NBPF9: variants seen among roughly 807,000 people sequenced by gnomAD.
NBPF9 encodes the protein NBPF family member NBPF9.
Under a neutral mutation model 97.8 loss-of-function variants are expected in NBPF9, and 91 were observed. That is an observed-to-expected ratio of 0.93 (90% confidence interval 0.79 to 1.11). The LOEUF (loss-of-function observed/expected upper bound fraction) is 1.11. Ranked by LOEUF, NBPF9 falls within the 50% of genes least tolerant of loss-of-function variation. The pLI is 0.00. For synonymous variants in NBPF9, 334 were observed against 359.5 expected, an observed-to-expected ratio of 0.93 and a Z score of 0.80; for missense variants, 992 against 939.5, an observed-to-expected ratio of 1.06 and a Z score of -0.73.
At position 149,098,707 on chromosome 1, in the gene NBPF9, CTA is replaced by C; in HGVS notation, c.-605-3_-605-2del. On this transcript the variant is annotated splice_acceptor_variant and splice_polypyrimidine_tract_variant and intron_variant, in intron 3 of 29. Coordinates refer to ENST00000584027, the Ensembl canonical transcript of NBPF9. LOFTEE classifies it low-confidence loss of function (5UTR_SPLICE). ...TAAACAGGATTTGCTTTCAGATTGC[CTA>C]TGAGATAAAAGAGAGAAATCATGGT... 2.2e-6 allele frequency: 1 copy of C among 449,692 alleles called. No homozygotes were observed. The highest frequency in any genetic ancestry group is 3.0e-6 in the Non-Finnish European group (1 of 337,216). 27.9% of individuals were successfully genotyped at this position (449,692 alleles called of 1,614,324 possible).
exon 14 of NBPF9, chr1:149,072,793 G>C (rs1575838974): frequency 1.3e-6 from 2 of 1,580,334 alleles, no homozygotes; most frequent in Non-Finnish European, 1.7e-6. Context: ...TCCTGCCCCT[G>C]GGACTTGTCC....
At chr1:149,075,217 T>C (rs370699070) in intron 12 of NBPF9, among the ~76,000 whole-genome samples, 5 of 151,732 alleles carry the variant, frequency 3.3e-5, no homozygotes, top group East Asian at 1.9e-4. Context: ...TCACCAAGTT[T>C]CCCTCAGAGT....
intron 20 of NBPF9, among the ~76,000 whole-genome samples, chr1:149,063,130 C>T (rs1354442272): frequency 6.2e-5 from 9 of 145,156 alleles, no homozygotes; most frequent in Admixed American, 5.5e-4. Flanking sequence ...TCTGGTAGAC[C>T]GTTATCCCAA....
intron 16 of NBPF9, 37 bp downstream of exon 16, chr1:149,070,897 A>G (rs2079351737): frequency 1.3e-6 from 2 of 1,589,198 alleles, no homozygotes; most frequent in Non-Finnish European, 1.7e-6. Context: ...TCCTCAGCCT[A>G]GAGAGAGGTA....
chr1:149,063,013 G>A lies in NBPF9; in HGVS notation c.2027-100C>T, dbSNP rs1575826088. 5.0e-6 allele frequency: 3 copies of A among 595,250 alleles called. No individual in the cohort carries two copies. The East Asian group carries it at 8.7e-5, about 17-fold the overall frequency. The allele number at this position is 595,250 out of a possible 1,614,324, so 36.9% of individuals were successfully genotyped here. The stretch of plus-strand genomic sequence containing the variant: ...TCACACAGGGACTTCAGGCTCCTCA[G>A]CATGAGAATAGGACACTGTGAGAGA... On this transcript the variant is annotated intron_variant, in intron 20 of 29. Coordinates refer to ENST00000584027, the Ensembl canonical transcript of NBPF9.
At chr1:149,087,195 G>C (rs1440261214) in intron 5 of NBPF9, among the ~76,000 whole-genome samples, 1 of 151,668 alleles carries the variant, frequency 6.6e-6, no homozygotes, top group Non-Finnish European at 1.5e-5. Context: ...TAAGTCTTTT[G>C]AGAAATTGTT....
At chr1:149,071,859 C>T (rs1441852507) in intron 14 of NBPF9, among the ~76,000 whole-genome samples, 183 bp from the exon 15 acceptor site, 8,850 of 151,088 alleles carry the variant, frequency 0.059, 741 homozygotes, top group East Asian at 0.47. Context: ...CAATGCATTT[C>T]TGATCTGGAG....
At chr1:149,099,268 G>C (rs2081990580) in intron 3 of NBPF9, among the ~76,000 whole-genome samples, 1 of 152,212 alleles carries the variant, frequency 6.6e-6, no homozygotes, top group Non-Finnish European at 1.5e-5. Flanking sequence ...GCTTTCGCTA[G>C]GTTATGCTAC....
exon 30 of NBPF9, chr1:149,055,526 G>T (rs1422476585): frequency 9.7e-6 from 15 of 1,549,938 alleles, no homozygotes; most frequent in Non-Finnish European, 1.3e-5. Context: ...TTTGAGAATA[G>T]GAATAGAGCC....
rs2078495886 is a variant in NBPF9, at chr1:149,060,012, C to T, written c.2477-204G>A. Reference sequence around the variant, plus strand: ...CCCAGAAACTGTGGGTAAAATGTCCCTATTCTAGTAGATCGTTATCCCAAT... The same window carrying T: ...CCCAGAAACTGTGGGTAAAATGTCCTTATTCTAGTAGATCGTTATCCCAAT... On this transcript the variant is annotated intron_variant, in intron 24 of 29. Transcript: ENST00000584027. 2.1e-5 allele frequency: 8 copies of T among 378,382 alleles called. 1 individual carries two copies. The South Asian group carries it at 2.5e-4, about 12-fold the overall frequency. The allele number at this position is 378,382 out of a possible 1,614,324, so 23.4% of individuals were successfully genotyped here.
Position 149,079,194 on chromosome 1 carries a change from C to G in NBPF9, c.306G>C (p.Gln102His), listed in dbSNP as rs2152905455. Residue 102 changes from glutamine to histidine, a missense_variant, in exon 9 of 30, where the codon CAG becomes CAC. Gln to His is a conservative substitution (Grantham distance 24). Coordinates refer to ENST00000584027, the Ensembl canonical transcript of NBPF9. ...CCTTTAACTGCGTCAGCTCTCGTTCCTGAGAGTGAACCAGGACTTTATATT... is the reference window on the plus strand; with the variant it reads ...CCTTTAACTGCGTCAGCTCTCGTTCGTGAGAGTGAACCAGGACTTTATATT... 7 of 1,062,014 alleles carry G rather than the reference C, an allele frequency of 6.6e-6. No individual in the cohort carries two copies. The East Asian group carries it at 1.7e-4, about 26-fold the overall frequency. The allele number at this position is 1,062,014 out of a possible 1,614,324, so 65.8% of individuals were successfully genotyped here.
At chr1:149,057,704 GACACACACACACACACACACAC>G (rs879952249) in intron 27 of NBPF9, among the ~76,000 whole-genome samples, 197 bp from the exon 28 acceptor site, 1 of 27,850 alleles carries the variant, frequency 3.6e-5, no homozygotes, top group Non-Finnish European at 8.4e-5. Context: ...AAGACAGATA[GACACACACACACACACACACAC>G]ACACACACAC....
intron 5 of NBPF9, among the ~76,000 whole-genome samples, chr1:149,087,174 T>C (rs2081070385): frequency 6.6e-6 from 1 of 152,058 alleles, no homozygotes; most frequent in South Asian, 2.1e-4. Flanking sequence ...TGTCTTCTTT[T>C]CTGAAGTATC....
chr1:149,088,063 C>T (rs1383189904), intron 5 of NBPF9, among the ~76,000 whole-genome samples: 3 of 152,080 alleles, frequency 2.0e-5, no homozygotes, highest in Admixed American at 6.5e-5. Flanking sequence ...CATCTCCTGA[C>T]CTCATGATCT....
rs587659070 is a variant in NBPF9 at position 149,058,171 on chromosome 1, A to G, written c.2803T>C (p.Cys935Arg). Residue 935 changes from cysteine to arginine, a missense_variant, in exon 27 of 30, where the codon TGC becomes CGC. Around this residue, in one of 11 missense-constraint regions of NBPF9, gnomAD observed 397 missense variants for 213.6 expected, o/e 1.86. Coordinates refer to ENST00000584027, the Ensembl canonical transcript of NBPF9. Reference sequence around the variant, plus strand: ...TCACAATTGCTCAGTTACCTGGGGCATGGTGGGCCTTGGTCTTCTTCCTCT... The same window carrying G: ...TCACAATTGCTCAGTTACCTGGGGCGTGGTGGGCCTTGGTCTTCTTCCTCT... The G allele has an allele frequency of 2.6e-4, 146 of 569,094 alleles. 12 individuals are homozygous for G. In the African/African-American group the frequency reaches 4.2e-3, roughly 16 times the overall value. 35.3% of individuals were successfully genotyped at this position (569,094 alleles called of 1,614,324 possible).
Position 149,063,814 on chromosome 1 carries a change from G to T in NBPF9, c.1854-9C>A. ...GCAGCTCCCTGCTGAGCCTGGAAAAGTGGGAAAAAGTAAAGAATAAGCCAG... is the reference window on the plus strand; with the variant it reads ...GCAGCTCCCTGCTGAGCCTGGAAAATTGGGAAAAAGTAAAGAATAAGCCAG... On this transcript the variant is annotated splice_polypyrimidine_tract_variant and intron_variant, in intron 19 of 29. Coordinates refer to ENST00000584027, the Ensembl canonical transcript of NBPF9. 6.4e-6 allele frequency: 4 copies of T among 628,114 alleles called. No individual in the cohort carries two copies. The highest frequency in any genetic ancestry group is 5.6e-5 in the East Asian group (2 of 35,816). 38.9% of individuals were successfully genotyped at this position (628,114 alleles called of 1,614,324 possible). A position where few individuals can be genotyped will look rare whatever the true frequency, so the allele number is the denominator to read the frequency against.
At chr1:149,085,836 T>C (rs1406343860) in intron 5 of NBPF9, among the ~76,000 whole-genome samples, 1 of 151,944 alleles carries the variant, frequency 6.6e-6, no homozygotes, top group African/African-American at 2.4e-5. Flanking sequence ...TACAAATGGA[T>C]ACACTAACGG....
At chr1:149,070,053 C>T (rs1433820239) in intron 16 of NBPF9, among the ~76,000 whole-genome samples, 2 of 131,328 alleles carry the variant, frequency 1.5e-5, no homozygotes, top group African/African-American at 3.0e-5. Flanking sequence ...TTGAACAACT[C>T]TTGCTTTAAA....
chr1:149,055,989 G>C lies in NBPF9; in HGVS notation c.3093-90C>G, dbSNP rs587638689. ...ATTTCAGAAGTAACATAAGGAAGTG[G>C]TTAGAAAAGAAAAAGGATAGATCCA... On this transcript the variant is annotated intron_variant, in intron 29 of 29. Transcript: ENST00000584027. 1.3e-5 allele frequency: 21 copies of C among 1,593,584 alleles called. No homozygotes were observed. In the South Asian group the frequency reaches 1.6e-4, roughly 12 times the overall value.
Sources: allele counts gnomAD v4.1 joint callset (sites outside exome capture counted in the v4.1 genomes callset), GRCh38; gene constraint gnomAD v4.1.1; regional missense constraint gnomAD v4.1.1; transcripts MANE v1.5; gene names NCBI Gene and HGNC (gene_info 2026-07-23, HGNC 2026-07-21).